Variants in EXD1 observed in about 807,000 individuals in gnomAD.
EXD1 encodes the protein piRNA biogenesis protein EXD1.
A neutral mutation model predicts 49.1 loss-of-function variants in EXD1; 63 were observed. The observed-to-expected ratio is 1.28, with a 90% confidence interval of 1.05 to 1.58. The LOEUF (loss-of-function observed/expected upper bound fraction) is 1.58, where lower values mean the gene tolerates loss of function less well. EXD1 is among the 40% of genes most tolerant of loss of function. The pLI is 0.00. For missense variants in EXD1, 748 were observed against 666.0 expected (o/e 1.12, Z -1.36); for synonymous variants, 234 against 239.2 (o/e 0.98, Z 0.20).
intron 2 of EXD1, 135 bp from the exon 3 acceptor site, chr15:41,220,033 T>A: frequency 1.6e-6 from 1 of 637,690 alleles, no homozygotes; most frequent in Non-Finnish European, 2.6e-6. Context: ...ATCCAAATCT[T>A]CCCCCAAGGA....
chr15:41,216,694 A>G lies in EXD1; in HGVS notation c.362T>C (p.Leu121Pro). 1 of 1,613,288 alleles carries G rather than the reference A, an allele frequency of 6.2e-7. No homozygotes were observed. The highest frequency in any genetic ancestry group is 8.5e-7 in the Non-Finnish European group (1 of 1,179,974). Residue 121 changes from leucine to proline, a missense_variant, in exon 5 of 12, where the codon CTG (leucine) becomes CCG (proline). Physicochemically the swap from Leu to Pro is moderately conservative, Grantham distance 98. Transcript: ENST00000458580. ...PAPEAPATSL[L>P]NDLKYSPSEE... ...TGATGGGCTGTACTTGAGGTCATTC[A>G]GCAGAGAGGTAGCTGGTGCTTCAGG...
chr15:41,202,248 C>T (rs1428809220), intron 7 of EXD1, among the ~76,000 whole-genome samples: 2 of 151,842 alleles, frequency 1.3e-5, no homozygotes, highest in Non-Finnish European at 2.9e-5. Context: ...GATCTCGGCT[C>T]ACTGCAGCCT....
chr15:41,207,529 C>T (rs188758077), intron 7 of EXD1, among the ~76,000 whole-genome samples: 1 of 150,630 alleles, frequency 6.6e-6, no homozygotes, highest in African/African-American at 2.4e-5. Context: ...GCGACAAGAG[C>T]AAAATTTCAT....
chr15:41,183,880 T>G lies in EXD1; in HGVS notation c.*51A>C, dbSNP rs1475061074. On this transcript the variant is annotated 3_prime_UTR_variant, in exon 12 of 12. Coordinates refer to ENST00000458580, the MANE Select transcript of EXD1 (RefSeq NM_001286441.2). ...ACCTGGGCACTGTGGAAAGCCCTGA[T>G]GGCAAAGGAAATAAGCCATCTGTAT... 6.6e-7 allele frequency: 1 copy of G among 1,514,964 alleles called. No individual in the cohort carries two copies. The highest frequency in any genetic ancestry group is 8.8e-7 in the Non-Finnish European group (1 of 1,131,168). 93.8% of individuals were successfully genotyped at this position (1,514,964 alleles called of 1,614,324 possible).
At chr15:41,222,867 C>T (rs1234299390) in intron 2 of EXD1, among the ~76,000 whole-genome samples, 2 of 139,402 alleles carry the variant, frequency 1.4e-5, no homozygotes, top group African/African-American at 2.6e-5. Flanking sequence ...ACTCGGGAGG[C>T]AGAGGTTCCA....
chr15:41,196,070 G>A (rs1566978320), intron 7 of EXD1, 33 bp from the exon 8 acceptor site: 4 of 1,508,964 alleles, frequency 2.7e-6, no homozygotes, highest in African/African-American at 1.4e-5. Context: ...ACATACCATA[G>A]GATAAGAAAG....
At chr15:41,212,434 G>A (rs527275878) in intron 6 of EXD1, among the ~76,000 whole-genome samples, 5 of 151,290 alleles carry the variant, frequency 3.3e-5, no homozygotes, top group African/African-American at 7.4e-5. Flanking sequence ...CAGCCTGGGC[G>A]ACAGAGCAAG....
chr15:41,227,861 C>T (rs779026631), intron 1 of EXD1, among the ~76,000 whole-genome samples: 1 of 151,982 alleles, frequency 6.6e-6, no homozygotes, highest in Non-Finnish European at 1.5e-5. Context: ...ACCAGCCTGA[C>T]CAACATGGTG....
At chr15:41,188,533 C>G (rs2046452089) in intron 11 of EXD1, among the ~76,000 whole-genome samples, 1 of 151,892 alleles carries the variant, frequency 6.6e-6, no homozygotes, top group African/African-American at 2.4e-5. Flanking sequence ...GCTGGGACTA[C>G]AGGTGCCCGC....
At chr15:41,224,897 AG>A (rs2047138312) in intron 2 of EXD1, among the ~76,000 whole-genome samples, 1 of 152,182 alleles carries the variant, frequency 6.6e-6, no homozygotes, top group African/African-American at 2.4e-5. Context: ...TGGGAAGTTA[AG>A]GCTGCAGCGA....
chr15:41,210,910 C>T (rs1257824373), intron 6 of EXD1, among the ~76,000 whole-genome samples: 1 of 152,072 alleles, frequency 6.6e-6, no homozygotes, highest in Non-Finnish European at 1.5e-5. Context: ...GTTCTCAATT[C>T]TGAGTATCTC....
intron 5 of EXD1, among the ~76,000 whole-genome samples, chr15:41,216,219 C>T (rs1185119091): frequency 6.6e-6 from 1 of 151,328 alleles, no homozygotes; most frequent in Admixed American, 6.6e-5. Context: ...AATGGCTCAG[C>T]TTAGGATTCC....
chr15:41,192,722 T>G (rs1566976534), intron 9 of EXD1, among the ~76,000 whole-genome samples: 1 of 143,856 alleles, frequency 7.0e-6, no homozygotes, highest in South Asian at 2.3e-4. Flanking sequence ...TCAAGGGATC[T>G]TCCCACCTCA....
At chr15:41,188,047 T>A (rs1403158744) in intron 11 of EXD1, among the ~76,000 whole-genome samples, 1 of 149,802 alleles carries the variant, frequency 6.7e-6, no homozygotes, top group East Asian at 1.9e-4. Context: ...AGCTAGTATT[T>A]TAAGATTTTA....
intron 7 of EXD1, among the ~76,000 whole-genome samples, chr15:41,199,651 CAT>C (rs1191880624): frequency 3.7e-5 from 4 of 109,386 alleles, no homozygotes; most frequent in Admixed American, 2.2e-4. Flanking sequence ...AAATATATAT[CAT>C]ATATATGATA....
At chr15:41,191,652 T>A (rs2046520570) in intron 9 of EXD1, 67 bp from the exon 10 acceptor site, 2 of 1,437,432 alleles carry the variant, frequency 1.4e-6, no homozygotes, top group Admixed American at 2.0e-5. Context: ...ATGCCAGAAA[T>A]ATATTTAGAG....
intron 11 of EXD1, among the ~76,000 whole-genome samples, chr15:41,186,470 C>CAAAAAAAAAAAAAAAAAAAAAAA (rs58793050): frequency 4.4e-5 from 3 of 68,284 alleles, no homozygotes; most frequent in Non-Finnish European, 8.2e-5. Flanking sequence ...GACTCTGTCT[C>CAAAAAAAAAAAAAAAAAAAAAAA]AAAAAAAAAA....
chr15:41,195,660 CA>C, intron 9 of EXD1, 114 bp downstream of exon 9: 4 of 562,052 alleles, frequency 7.1e-6, no homozygotes, highest in Non-Finnish European at 1.1e-5. Context: ...AGAAATGGAG[CA>C]CCAAAAAAAA....
At chr15:41,203,930 A>C (rs1420668076) in intron 7 of EXD1, among the ~76,000 whole-genome samples, 1 of 146,192 alleles carries the variant, frequency 6.8e-6, no homozygotes, top group Non-Finnish European at 1.5e-5. Flanking sequence ...AAAAAAAAAA[A>C]AAAAAAAAAA....
Sources: gnomAD v4.1 joint callset for allele counts (sites outside exome capture counted in the v4.1 genomes callset) on GRCh38, gnomAD v4.1.1 for gene constraint, MANE v1.5 for transcripts, NCBI Gene and HGNC (gene_info 2026-07-23, HGNC 2026-07-21) for gene names.